MUC3A: variants seen among roughly 807,000 people sequenced by gnomAD.
MUC3A encodes the protein mucin 3A, cell surface associated, also known as mucin-3A.
MUC3A carries 109 observed loss-of-function variants against 109.0 expected under a neutral mutation model. The ratio of observed to expected loss-of-function variants is 1.00; its 90% CI spans 0.86 to 1.17. MUC3A has a LOEUF of 1.17. Among genes scored for constraint, MUC3A ranks in the 50% most tolerant of loss-of-function variants. MUC3A has a pLI of 0.00. For missense variants in MUC3A, 3,537 were observed against 2,469.4 expected, an observed-to-expected ratio of 1.43 and a Z score of -9.16; for synonymous variants, 1,398 against 981.4, an observed-to-expected ratio of 1.42 and a Z score of -7.93.
In MUC3A at chr7:100,966,083, G is replaced by T. The variant is rs1009662083; in HGVS notation, c.9611+217G>T. The T allele has an allele frequency of 6.5e-5, 43 of 666,460 alleles. No individual in the cohort carries two copies. In the East Asian group the frequency reaches 1.1e-3, roughly 18 times the overall value. 41.3% of individuals were successfully genotyped at this position (666,460 alleles called of 1,614,324 possible). On this transcript the variant is annotated intron_variant, in intron 8 of 11. Coordinates refer to ENST00000379458, the MANE Select transcript of MUC3A (RefSeq NM_005960.2). ...GTTGAGTCCTGTCCCCTAATTCTGGGAGAGAACCCCGCCCACTCATTCTAG... is the reference window on the plus strand; with the variant it reads ...GTTGAGTCCTGTCCCCTAATTCTGGTAGAGAACCCCGCCCACTCATTCTAG...
In MUC3A at chr7:100,959,536, C is replaced by T; in HGVS notation, c.7757C>T (p.Ser2586Leu). ...ACACAGACCCCTCCTGTACTGACGTCAGCCACTGGGACCCAAACATCTCCT... is the reference window on the plus strand; with the variant it reads ...ACACAGACCCCTCCTGTACTGACGTTAGCCACTGGGACCCAAACATCTCCT... ...TPTQTPPVLT[S>L]ATGTQTSPAP... The change falls in exon 2 of 12, where the codon TCA becomes TTA. Residue 2586 changes from serine to leucine, a missense_variant. Coordinates refer to ENST00000379458, the MANE Select transcript of MUC3A (RefSeq NM_005960.2). 1 of 1,590,454 alleles carries T rather than the reference C, an allele frequency of 6.3e-7. No homozygotes were observed. The highest frequency in any genetic ancestry group is 1.1e-5 in the South Asian group (1 of 89,168).
Position 100,960,127 on chromosome 7 carries a change from C to T in MUC3A, c.8348C>T (p.Thr2783Ile). The T allele has an allele frequency of 6.5e-7, 1 of 1,546,908 alleles. No homozygotes were observed. The highest frequency in any genetic ancestry group is 8.7e-7 in the Non-Finnish European group (1 of 1,152,664). ...ITITIVPASP[T>I]DPCVEMDPST... ...ATTACCATAGTCCCTGCCTCCCCCA[C>T]TGATCCATGTGTTGAAATGGATCCC... Residue 2783 changes from threonine (T) to isoleucine (I), a missense_variant, in exon 2 of 12, where the codon ACT (threonine) becomes ATT (isoleucine). Physicochemically the swap from Thr to Ile is moderately conservative, Grantham distance 89. Coordinates refer to ENST00000379458, the MANE Select transcript of MUC3A (RefSeq NM_005960.2).
At chr7:100,963,565 G>C (rs568674389) in intron 4 of MUC3A, 123 bp from the exon 5 acceptor site, 2 of 1,466,836 alleles carry the variant, frequency 1.4e-6, no homozygotes, top group Admixed American at 1.9e-5. Flanking sequence ...GATTACAGGC[G>C]TGAGCCACGG....
At position 100,960,243 on chromosome 7, in the gene MUC3A, C is replaced by A. The variant is rs1209849553; in HGVS notation, c.8464C>A (p.Gln2822Lys). ...MVTCPTSISI[Q>K]TTLTTYMDTS... ...CACCTGTCCTACCTCCATCAGTATC[C>A]AAACTACTCTTACTACATATATGGA... The change falls in exon 2 of 12, where the codon CAA (glutamine) becomes AAA (lysine). Residue 2822 changes from glutamine to lysine, a missense_variant. Transcript: ENST00000379458. The A allele has an allele frequency of 1.3e-6, 2 of 1,598,472 alleles. No individual in the cohort carries two copies. Among genetic ancestry groups the A allele is most frequent in the South Asian group, 1.1e-5 (1 of 91,086 alleles).
chr7:100,962,524 G>T (rs1192534394), intron 3 of MUC3A, among the ~76,000 whole-genome samples: 2 of 152,312 alleles, frequency 1.3e-5, no homozygotes, highest in Non-Finnish European at 2.9e-5. Flanking sequence ...ATTAGGACAT[G>T]GACATCTTCC....
At chr7:100,966,049 T>TCGCCCTAAAGTGTAGCCCCTCCTCC in intron 8 of MUC3A, 183 bp downstream of exon 8, 1 of 855,048 alleles carries the variant, frequency 1.2e-6, no homozygotes, top group Non-Finnish European at 1.7e-6. Context: ...GCTCTGCTCC[T>TCGCCCTAAAGTGTAGCCCCTCCTCC]TTGATGGGGT....
intron 5 of MUC3A, 104 bp downstream of exon 5, chr7:100,963,856 G>GA (rs1387465190): frequency 6.1e-4 from 905 of 1,486,672 alleles, no homozygotes; most frequent in Non-Finnish European, 6.8e-4. Context: ...TTTATAAAGA[G>GA]GGGTGGAGGG....
chr7:100,966,080 T>C, intron 8 of MUC3A: 1 of 620,608 alleles, frequency 1.6e-6, no homozygotes, highest in Non-Finnish European at 2.5e-6. Context: ...CCCCTAATTC[T>C]GGGAGAGAAC....
At chr7:100,963,856 G>GAA in intron 5 of MUC3A, 104 bp downstream of exon 5, 2 of 1,487,320 alleles carry the variant, frequency 1.3e-6, no homozygotes, top group Non-Finnish European at 1.8e-6. Flanking sequence ...TTTATAAAGA[G>GAA]GGGTGGAGGG....
In MUC3A at chr7:100,952,732, T is replaced by A. The variant is rs555618220; in HGVS notation, c.953T>A (p.Val318Glu). Residue 318 changes from valine (V) to glutamate (E), a missense_variant, in exon 2 of 12, where the codon GTG (valine) becomes GAG (glutamate). Val to Glu is a moderately radical substitution (Grantham distance 121). Transcript: ENST00000379458. ...ITNTTPLSTL[V>E]TTLPTTISRS... ...AACACCACCCCCCTATCCACCTTGG[T>A]GACCACACTCCCCACTACCATCAGC... 1.1e-4 allele frequency: 170 copies of A among 1,588,946 alleles called. No individual in the cohort carries two copies. In the African/African-American group the frequency reaches 2.1e-3, roughly 20 times the overall value.
In MUC3A at chr7:100,957,306, A is replaced by C; in HGVS notation, c.5527A>C (p.Thr1843Pro). Residue 1843 changes from threonine to proline, a missense_variant, in exon 2 of 12, where the codon ACT (threonine) becomes CCT (proline). Physicochemically the swap from Thr to Pro is conservative, Grantham distance 38. Coordinates refer to ENST00000379458, the MANE Select transcript of MUC3A (RefSeq NM_005960.2). ...ACCTACATCTGAGACCACCTACCCTACTTCTCTTACTAGTGCTCTCACAGA... is the reference window on the plus strand; with the variant it reads ...ACCTACATCTGAGACCACCTACCCTCCTTCTCTTACTAGTGCTCTCACAGA... ...STPTSETTYP[T>P]SLTSALTDST... The C allele has an allele frequency of 1.8e-6, 1 of 561,980 alleles. No homozygotes were observed. Among genetic ancestry groups the C allele is most frequent in the South Asian group, 2.4e-5 (1 of 40,880 alleles). The allele number at this position is 561,980 out of a possible 1,614,324, so 34.8% of individuals were successfully genotyped here.
chr7:100,950,740 T>TGG (rs1791911791), intron 1 of MUC3A, among the ~76,000 whole-genome samples: 1 of 152,230 alleles, frequency 6.6e-6, no homozygotes, highest in African/African-American at 2.4e-5. Flanking sequence ...ATCCACATGC[T>TGG]GGGGTTCATG....
chr7:100,959,444 C>T lies in MUC3A; in HGVS notation c.7665C>T (p.Leu2555=). ...CCATGTCCACTGTGAGAATGACCCT[C>T]AGAATTACTGAGAACACCCCAATCA... ...SPTMSTVRMT[L]RITENTPISS... is the part of the protein sequence containing the mutation. The change falls in exon 2 of 12, where the codon CTC becomes CTT. Residue 2555 remains leucine, a synonymous_variant. Transcript: ENST00000379458. The T allele has an allele frequency of 6.4e-7, 1 of 1,551,476 alleles. No homozygotes were observed. The highest frequency in any genetic ancestry group is 8.6e-7 in the Non-Finnish European group (1 of 1,160,086).
At position 100,959,778 on chromosome 7, in the gene MUC3A, A is replaced by T; in HGVS notation, c.7999A>T (p.Ser2667Cys). ...EFTTESFTRG[S>C]TSTNAILTSF... ...CACTACAGAATCTTTCACTAGGGGA[A>T]GTACGTCTACAAATGCAATCTTGAC... Residue 2667 changes from serine to cysteine, a missense_variant, in exon 2 of 12, where the codon AGT becomes TGT. Ser to Cys is a moderately radical substitution (Grantham distance 112). Coordinates refer to ENST00000379458, the MANE Select transcript of MUC3A (RefSeq NM_005960.2). 1 of 1,597,540 alleles carries T rather than the reference A, an allele frequency of 6.3e-7. No individual in the cohort carries two copies. The highest frequency in any genetic ancestry group is 8.5e-7 in the Non-Finnish European group (1 of 1,179,288).
In MUC3A at chr7:100,966,085, G is replaced by A. The variant is rs113926399; in HGVS notation, c.9611+219G>A. The A allele has an allele frequency of 5.0e-6, 3 of 605,206 alleles. No individual in the cohort carries two copies. In the African/African-American group the frequency reaches 5.7e-5, roughly 12 times the overall value. 37.5% of individuals were successfully genotyped at this position (605,206 alleles called of 1,614,324 possible). A position where few individuals can be genotyped will look rare whatever the true frequency, so the allele number is the denominator to read the frequency against. Reference sequence around the variant, plus strand: ...TGAGTCCTGTCCCCTAATTCTGGGAGAGAACCCCGCCCACTCATTCTAGGG... The same window carrying A: ...TGAGTCCTGTCCCCTAATTCTGGGAAAGAACCCCGCCCACTCATTCTAGGG... On this transcript the variant is annotated intron_variant, in intron 8 of 11. Transcript: ENST00000379458.
In MUC3A at chr7:100,958,492, G is replaced by T; in HGVS notation, c.6713G>T (p.Gly2238Val). The T allele has an allele frequency of 1.2e-6, 1 of 868,744 alleles. No homozygotes were observed. Among genetic ancestry groups the T allele is most frequent in the Non-Finnish European group, 1.9e-6 (1 of 522,754 alleles). The allele number at this position is 868,744 out of a possible 1,614,324, so 53.8% of individuals were successfully genotyped here. The change falls in exon 2 of 12, where the codon GGC becomes GTC. Residue 2238 changes from glycine (G) to valine (V), a missense_variant. Coordinates refer to ENST00000379458, the MANE Select transcript of MUC3A (RefSeq NM_005960.2). ...TTETTSHSTPGFTSSITTTET... is the reference protein window; with the variant it reads ...TTETTSHSTPVFTSSITTTET... ...GAGACCACATCCCACAGTACTCCCG[G>T]CTTCACTTCTTCAATCACCACCACT...
In MUC3A at chr7:100,966,298, C is replaced by T. The variant is rs1792552399; in HGVS notation, c.9612-88C>T. The T allele has an allele frequency of 2.4e-6, 3 of 1,249,748 alleles. No individual in the cohort carries two copies. The South Asian group carries it at 1.1e-4, about 47-fold the overall frequency. The allele number at this position is 1,249,748 out of a possible 1,614,324, so 77.4% of individuals were successfully genotyped here. A position where few individuals can be genotyped will look rare whatever the true frequency, so the allele number is the denominator to read the frequency against. On this transcript the variant is annotated intron_variant, in intron 8 of 11. Coordinates refer to ENST00000379458, the MANE Select transcript of MUC3A (RefSeq NM_005960.2). ...CCCGCTGCCCTAGGCTGGAGCCCCGCCCCCTCACCCGCCCCCGCGGGGCCC... is the reference window on the plus strand; with the variant it reads ...CCCGCTGCCCTAGGCTGGAGCCCCGTCCCCTCACCCGCCCCCGCGGGGCCC...
In MUC3A at chr7:100,960,762, C is replaced by T. The variant is rs1383533981; in HGVS notation, c.8877C>T (p.Asp2959=). ...TTCTGTGTTTTCCAGGCACCTGTGA[C>T]AATGGTGGCACCTGGGAACAGGGCC... The part of the protein sequence containing the change: ...STLTTTAGTC[D]NGGTWEQGQC... Residue 2959 remains aspartate, a synonymous_variant, in exon 3 of 12, where the codon GAC becomes GAT. Transcript: ENST00000379458. 1.9e-6 allele frequency: 3 copies of T among 1,597,284 alleles called. No homozygotes were observed. The highest frequency in any genetic ancestry group is 2.2e-5 in the South Asian group (2 of 90,968).
chr7:100,960,408 T>A lies in MUC3A; in HGVS notation c.8629T>A (p.Ser2877Thr), dbSNP rs1344981442. The A allele has an allele frequency of 3.1e-6, 5 of 1,598,418 alleles. No homozygotes were observed. The highest frequency in any genetic ancestry group is 1.1e-5 in the South Asian group (1 of 91,094). ...CAGTGAGACCTGGCTGAGCAACAGTTCTGTGATCCCCCTACCTCTTCCTGG... is the reference window on the plus strand; with the variant it reads ...CAGTGAGACCTGGCTGAGCAACAGTACTGTGATCCCCCTACCTCTTCCTGG... ...PTSETWLSNS[S>T]VIPLPLPGVS... The change falls in exon 2 of 12, where the codon TCT becomes ACT. Residue 2877 changes from serine (S) to threonine (T), a missense_variant. By Grantham distance (58) the Ser-to-Thr change is moderately conservative. Coordinates refer to ENST00000379458, the MANE Select transcript of MUC3A (RefSeq NM_005960.2).
Sources: allele counts gnomAD v4.1 joint callset (sites outside exome capture counted in the v4.1 genomes callset), GRCh38; gene constraint gnomAD v4.1.1; transcripts MANE v1.5; gene names NCBI Gene and HGNC (gene_info 2026-07-23, HGNC 2026-07-21).